DNAH11: variants seen among roughly 807,000 people sequenced by gnomAD.
DNAH11 encodes the protein axonemal beta dynein heavy chain 11.
In DNAH11, 442 loss-of-function variants were observed where a neutral mutation model predicts 526.0. The ratio of observed to expected loss-of-function variants is 0.84; its 90% CI spans 0.78 to 0.91. The LOEUF is 0.91. Among genes scored for constraint, DNAH11 ranks in the 40% least tolerant of loss-of-function variants. DNAH11 has a pLI of 0.00. For missense variants in DNAH11, 6,989 were observed against 5,448.7 expected, an observed-to-expected ratio of 1.28 and a Z score of -8.90; for synonymous variants, 2,461 against 1,935.9, an observed-to-expected ratio of 1.27 and a Z score of -7.12.
intron 9 of DNAH11, among the ~76,000 whole-genome samples, chr7:21,583,806 G>A (rs779331076): frequency 6.6e-6 from 1 of 152,162 alleles, no homozygotes; most frequent in Non-Finnish European, 1.5e-5. Context: ...AGACATTTAT[G>A]TGGCCAAGAA....
chr7:21,592,847 A>G (rs1478553081), intron 14 of DNAH11, among the ~76,000 whole-genome samples: 1 of 152,158 alleles, frequency 6.6e-6, no homozygotes, highest in Non-Finnish European at 1.5e-5. Context: ...CCCTTTAATG[A>G]TATGAGGAAG....
At chr7:21,832,096 A>AT (rs1255542876) in intron 65 of DNAH11, among the ~76,000 whole-genome samples, 1 of 152,100 alleles carries the variant, frequency 6.6e-6, no homozygotes, top group African/African-American at 2.4e-5. Context: ...TCTCAAAAAA[A>AT]AAAAGCTTCT....
chr7:21,795,548 C>T (rs1788671942), intron 61 of DNAH11, among the ~76,000 whole-genome samples: 3 of 152,214 alleles, frequency 2.0e-5, no homozygotes. Context: ...GCACCTGACA[C>T]ATGAGAGGAA....
chr7:21,763,521 G>A (rs929119429), intron 54 of DNAH11, among the ~76,000 whole-genome samples: 4 of 151,766 alleles, frequency 2.6e-5, no homozygotes, highest in African/African-American at 4.8e-5. Flanking sequence ...TGGTGAGGCT[G>A]TGGAGAAATT....
intron 65 of DNAH11, among the ~76,000 whole-genome samples, chr7:21,824,882 T>C (rs544814727): frequency 2.6e-5 from 4 of 152,276 alleles, no homozygotes; most frequent in South Asian, 2.1e-4. Context: ...TACTATAATA[T>C]TGTTTTTGAA....
intron 8 of DNAH11, among the ~76,000 whole-genome samples, chr7:21,581,227 T>C (rs555420985): frequency 6.6e-6 from 1 of 152,346 alleles, no homozygotes; most frequent in Admixed American, 6.5e-5. Context: ...ACTTCTTTAC[T>C]GGAGACTCAA....
At chr7:21,797,665 A>C (rs572413824) in intron 61 of DNAH11, among the ~76,000 whole-genome samples, 6 of 152,336 alleles carry the variant, frequency 3.9e-5, no homozygotes, top group African/African-American at 1.4e-4. Context: ...AGACATTCCT[A>C]TGAAAGTAGT....
chr7:21,673,824 C>T (rs1241001756), intron 30 of DNAH11, among the ~76,000 whole-genome samples: 1 of 152,116 alleles, frequency 6.6e-6, no homozygotes, highest in Non-Finnish European at 1.5e-5. Flanking sequence ...CCTATTTCTA[C>T]CACTTGATTG....
chr7:21,857,019 G>T (rs1410194744), intron 68 of DNAH11, among the ~76,000 whole-genome samples: 1 of 152,130 alleles, frequency 6.6e-6, no homozygotes, highest in East Asian at 1.9e-4. Flanking sequence ...TTTAAAAGAA[G>T]AAGAAAAACT....
intron 66 of DNAH11, among the ~76,000 whole-genome samples, chr7:21,845,771 T>G (rs547990186): frequency 6.6e-6 from 1 of 152,318 alleles, no homozygotes; most frequent in Admixed American, 6.5e-5. Flanking sequence ...ACAGGTATTT[T>G]GAATAATATT....
intron 63 of DNAH11, among the ~76,000 whole-genome samples, chr7:21,814,352 T>A (rs1022919067): frequency 7.9e-4 from 118 of 149,224 alleles, no homozygotes; most frequent in Non-Finnish European, 1.5e-3. Context: ...TTTATTTATT[T>A]TTTTTTTATT....
intron 51 of DNAH11, among the ~76,000 whole-genome samples, chr7:21,747,058 T>G (rs1340239818): frequency 6.6e-6 from 1 of 152,218 alleles, no homozygotes; most frequent in Admixed American, 6.5e-5. Context: ...TAGAGGTGAT[T>G]TCAGAGCGTG....
intron 40 of DNAH11, among the ~76,000 whole-genome samples, chr7:21,708,258 A>G (rs898019720): frequency 6.6e-6 from 1 of 152,164 alleles, no homozygotes; most frequent in East Asian, 1.9e-4. Flanking sequence ...CTTTGTGACA[A>G]TCTGTTAAGA....
At chr7:21,622,716 G>T (rs1583538097) in intron 25 of DNAH11, among the ~76,000 whole-genome samples, 1 of 152,174 alleles carries the variant, frequency 6.6e-6, no homozygotes, top group Admixed American at 6.5e-5. Flanking sequence ...AAGCAATGGG[G>T]AAAGGATTCC....
rs754738080 is a variant in DNAH11, at chr7:21,873,449, C to A, written c.12143C>A (p.Pro4048His). Residue 4048 changes from proline to histidine, a missense_variant, in exon 74 of 82, where the codon CCC (proline) becomes CAC (histidine). By Grantham distance (77) the Pro-to-His change is moderately conservative. Coordinates refer to ENST00000409508, the MANE Select transcript of DNAH11 (RefSeq NM_001277115.2). ...AATTCCATTAAGATCACTAATGAAC[C>A]CCCAACAGGGATGCTGGCCAATTTG... ...LENSIKITNEPPTGMLANLHA... is the reference protein window; with the variant it reads ...LENSIKITNEHPTGMLANLHA... 4 of 1,613,768 alleles carry A rather than the reference C, an allele frequency of 2.5e-6. No individual in the cohort carries two copies. In the East Asian group the frequency reaches 6.7e-5, roughly 27 times the overall value.
chr7:21,865,403 A>G (rs957042900), intron 70 of DNAH11, among the ~76,000 whole-genome samples: 1 of 152,216 alleles, frequency 6.6e-6, no homozygotes, highest in Admixed American at 6.5e-5. Context: ...TCAGGGTCTT[A>G]ACAGGAAACA....
chr7:21,643,614 A>G (rs1787221058), intron 28 of DNAH11, among the ~76,000 whole-genome samples: 1 of 152,226 alleles, frequency 6.6e-6, no homozygotes, highest in Non-Finnish European at 1.5e-5. Context: ...ATTGATTTAA[A>G]TCCAAAAATT....
In DNAH11 at chr7:21,735,712, C is replaced by A; in HGVS notation, c.7513C>A (p.Pro2505Thr). Reference sequence around the variant, plus strand: ...GGAGTTGTTGCTTGAGAAAGGAAAACCTCTAATGCTAGTAGGAAATGCAGG... The same window carrying A: ...GGAGTTGTTGCTTGAGAAAGGAAAAACTCTAATGCTAGTAGGAAATGCAGG... ...FMELLLEKGKPLMLVGNAGVG... is the reference protein window; with the variant it reads ...FMELLLEKGKTLMLVGNAGVG... The change falls in exon 46 of 82, where the codon CCT becomes ACT. Residue 2505 changes from proline to threonine, a missense_variant. Pro to Thr is a conservative substitution (Grantham distance 38). Coordinates refer to ENST00000409508, the MANE Select transcript of DNAH11 (RefSeq NM_001277115.2). 1.9e-6 allele frequency: 3 copies of A among 1,613,844 alleles called. No individual in the cohort carries two copies. Among genetic ancestry groups the A allele is most frequent in the Non-Finnish European group, 2.5e-6 (3 of 1,179,844 alleles).
intron 65 of DNAH11, among the ~76,000 whole-genome samples, chr7:21,839,419 C>CA (rs902249431): frequency 6.6e-6 from 1 of 151,664 alleles, no homozygotes; most frequent in African/African-American, 2.4e-5. Flanking sequence ...CTAAAAAATA[C>CA]AAAAAATTAG....
Sources: gnomAD v4.1 joint callset for allele counts (sites outside exome capture counted in the v4.1 genomes callset) on GRCh38, gnomAD v4.1.1 for gene constraint, MANE v1.5 for transcripts, NCBI Gene and HGNC (gene_info 2026-07-23, HGNC 2026-07-21) for gene names.